The following UBE2E2 variants were observed in gnomAD, a reference collection of about 807,000 sequenced individuals.
UBE2E2 encodes ubiquitin-conjugating enzyme E2 E2.
Under a neutral mutation model 24.7 loss-of-function variants are expected in UBE2E2, and 6 were observed. That is an observed-to-expected ratio of 0.24 (90% CI 0.13 to 0.48). The LOEUF (loss-of-function observed/expected upper bound fraction) is 0.48, where lower values mean the gene tolerates loss of function less well. UBE2E2 is among the 20% of genes least tolerant of loss of function. The pLI is 0.99. For synonymous variants in UBE2E2, 104 were observed against 83.6 expected (o/e 1.24, Z -1.33); for missense variants, 169 against 245.0 (o/e 0.69, Z 2.07).
chr3:23,235,264 T>G (rs547613144), intron 3 of UBE2E2, among the ~76,000 whole-genome samples: 1 of 152,168 alleles, frequency 6.6e-6, no homozygotes, highest in Non-Finnish European at 1.5e-5. Flanking sequence ...GGTTCTAGTT[T>G]TATTTTGGGT....
intron 3 of UBE2E2, among the ~76,000 whole-genome samples, chr3:23,299,055 G>C (rs576050448): frequency 6.6e-6 from 1 of 152,288 alleles, no homozygotes; most frequent in African/African-American, 2.4e-5. Flanking sequence ...ATTTCTTCCA[G>C]ATTTTCTAGT....
chr3:23,323,631 C>G (rs2125292359), intron 3 of UBE2E2: 1 of 412,026 alleles, frequency 2.4e-6, no homozygotes, highest in South Asian at 1.8e-5. Context: ...AATAAAATAT[C>G]CAAAACACTT....
At chr3:23,489,458 C>T (rs1699450514) in intron 3 of UBE2E2, among the ~76,000 whole-genome samples, 1 of 151,974 alleles carries the variant, frequency 6.6e-6, no homozygotes, top group Non-Finnish European at 1.5e-5. Flanking sequence ...TCTATTGCCA[C>T]CGCTGATGTG....
intron 4 of UBE2E2, among the ~76,000 whole-genome samples, chr3:23,531,115 A>G (rs2173460): frequency 0.58 from 87,858 of 152,002 alleles, 26,937 homozygotes; most frequent in African/African-American, 0.79. Context: ...CCTGAGAATG[A>G]TGTCTCTTGT....
intron 3 of UBE2E2, among the ~76,000 whole-genome samples, chr3:23,257,210 A>G (rs909439568): frequency 6.6e-6 from 1 of 152,182 alleles, no homozygotes; most frequent in Non-Finnish European, 1.5e-5. Flanking sequence ...GTTTCATGTT[A>G]TCATCTAAAT....
chr3:23,382,706 T>C (rs2125352732), intron 3 of UBE2E2, among the ~76,000 whole-genome samples: 1 of 152,346 alleles, frequency 6.6e-6, no homozygotes, highest in East Asian at 1.9e-4. Context: ...CCATTTTGTG[T>C]AGATAATTAA....
intron 5 of UBE2E2, among the ~76,000 whole-genome samples, chr3:23,535,766 G>A (rs980457170): frequency 1.3e-5 from 2 of 151,806 alleles, no homozygotes; most frequent in African/African-American, 2.4e-5. Flanking sequence ...GGGTCTACAG[G>A]CCCCACCACC....
At chr3:23,578,272 C>CA (rs1211401188) in intron 5 of UBE2E2, among the ~76,000 whole-genome samples, 1 of 151,972 alleles carries the variant, frequency 6.6e-6, no homozygotes. Context: ...ATTAACAAGT[C>CA]AAAAAACAAC....
At chr3:23,205,343 T>C (rs1465406383) in intron 1 of UBE2E2, among the ~76,000 whole-genome samples, 1 of 152,200 alleles carries the variant, frequency 6.6e-6, no homozygotes. Flanking sequence ...TAGGAATTAA[T>C]TTTAAAATGC....
intron 4 of UBE2E2, among the ~76,000 whole-genome samples, chr3:23,519,656 A>T (rs1372208813): frequency 6.6e-6 from 1 of 152,026 alleles, no homozygotes; most frequent in Non-Finnish European, 1.5e-5. Context: ...AGTAATAGTG[A>T]ATATATATAT....
At chr3:23,507,142 G>A (rs1324249029) in intron 4 of UBE2E2, among the ~76,000 whole-genome samples, 3 of 152,062 alleles carry the variant, frequency 2.0e-5, no homozygotes, top group Admixed American at 6.6e-5. Flanking sequence ...TTCTGCCTGC[G>A]TTTGTATGCC....
chr3:23,328,951 C>T (rs1481301747), intron 3 of UBE2E2, among the ~76,000 whole-genome samples: 1 of 152,194 alleles, frequency 6.6e-6, no homozygotes, highest in African/African-American at 2.4e-5. Flanking sequence ...CATGAGCCAT[C>T]GTGCCCGGCC....
At chr3:23,411,120 CAAGACAATGT>C (rs1697486669) in intron 3 of UBE2E2, among the ~76,000 whole-genome samples, 1 of 152,168 alleles carries the variant, frequency 6.6e-6, no homozygotes, top group Admixed American at 6.5e-5. Context: ...TAGGAAAGGG[CAAGACAATGT>C]CTGTTCCAGG....
chr3:23,366,831 A>G (rs183094917), intron 3 of UBE2E2, among the ~76,000 whole-genome samples: 179 of 152,346 alleles, frequency 1.2e-3, no homozygotes, highest in African/African-American at 4.1e-3. Context: ...GAAAAATTAC[A>G]CTAAAACTTA....
At chr3:23,450,610 G>A (rs1028048491) in intron 3 of UBE2E2, among the ~76,000 whole-genome samples, 1 of 152,002 alleles carries the variant, frequency 6.6e-6, no homozygotes, top group Non-Finnish European at 1.5e-5. Flanking sequence ...CACCAACATT[G>A]CCCTTATGTA....
intron 4 of UBE2E2, among the ~76,000 whole-genome samples, chr3:23,525,553 A>G (rs1379518603): frequency 1.3e-5 from 2 of 152,202 alleles, no homozygotes; most frequent in Non-Finnish European, 2.9e-5. Context: ...GTTATTCTCA[A>G]TATAATTTTA....
chr3:23,249,959 C>T (rs1396101173), intron 3 of UBE2E2, among the ~76,000 whole-genome samples: 1 of 152,164 alleles, frequency 6.6e-6, no homozygotes, highest in East Asian at 1.9e-4. Context: ...TCCGGCCTAA[C>T]AGAATTTTAA....
At chr3:23,333,503 C>G (rs1695122691) in intron 3 of UBE2E2, among the ~76,000 whole-genome samples, 1 of 152,104 alleles carries the variant, frequency 6.6e-6, no homozygotes, top group Admixed American at 6.5e-5. Flanking sequence ...CTTTTGTACT[C>G]CTAGGAGACA....
intron 5 of UBE2E2, among the ~76,000 whole-genome samples, chr3:23,563,475 G>T (rs892419238): frequency 2.6e-5 from 4 of 152,138 alleles, no homozygotes; most frequent in African/African-American, 9.7e-5. Context: ...TTGCTGAGGA[G>T]TGTTTTACTT....
Sources: gnomAD v4.1 joint callset for allele counts (sites outside exome capture counted in the v4.1 genomes callset) on GRCh38, gnomAD v4.1.1 for gene constraint, MANE v1.5 for transcripts, NCBI Gene and HGNC (gene_info 2026-07-23, HGNC 2026-07-21) for gene names.